The following CTNNA2 variants were observed in gnomAD, a reference collection of about 807,000 sequenced individuals.
The protein encoded by CTNNA2 is catenin alpha 2, also known as catenin alpha-2.
A neutral mutation model predicts 101.0 loss-of-function variants in CTNNA2; 42 were observed. The observed-to-expected ratio is 0.42, with a 90% CI of 0.32 to 0.54. CTNNA2 has a LOEUF of 0.54. CTNNA2 is among the 20% of genes least tolerant of loss of function. The pLI, the probability that CTNNA2 is intolerant of heterozygous loss-of-function variation, is 0.14. For missense variants in CTNNA2, 871 were observed against 1,223.1 expected (o/e 0.71, Z 4.29); for synonymous variants, 450 against 456.4 (o/e 0.99, Z 0.18).
intron 2 of CTNNA2, among the ~76,000 whole-genome samples, chr2:79,728,144 A>G (rs1156427667): frequency 6.6e-6 from 1 of 152,136 alleles, no homozygotes; most frequent in Non-Finnish European, 1.5e-5. Flanking sequence ...ATCCCTGAGG[A>G]ATCACCACAC....
chr2:79,257,712 G>C (rs1024409573), intron 2 of CTNNA2, among the ~76,000 whole-genome samples: 17 of 151,560 alleles, frequency 1.1e-4, no homozygotes, highest in Non-Finnish European at 2.1e-4. Context: ...AATATGAAGG[G>C]ACTCAAATTG....
intron 9 of CTNNA2, among the ~76,000 whole-genome samples, chr2:80,436,205 A>G (rs1336693782): frequency 6.6e-6 from 1 of 152,158 alleles, no homozygotes. Flanking sequence ...GTGTTCAAGT[A>G]TATCAAGGGA....
chr2:79,577,837 A>G lies in CTNNA2; in HGVS notation c.-6+64630A>G, dbSNP rs375338207. 2.2e-4 allele frequency among the ~76,000 whole-genome samples: 33 copies of G among 152,260 alleles called. No individual in the cohort carries two copies. The East Asian group carries it at 2.3e-3, about 11-fold the overall frequency. ...ACATTTACTGTTCTAAAAATGAGAA[A>G]ATCTGAGTCTAATTCATTCCCTATG... On this transcript the variant is annotated intron_variant, in intron 1 of 18. Transcript: ENST00000402739.
intron 2 of CTNNA2, among the ~76,000 whole-genome samples, chr2:79,270,137 T>C (rs1019512573): frequency 6.6e-6 from 1 of 152,126 alleles, no homozygotes; most frequent in African/African-American, 2.4e-5. Context: ...CCAGGAAATC[T>C]TGGGGATTCA....
chr2:79,750,252 A>G (rs754906281), intron 3 of CTNNA2, among the ~76,000 whole-genome samples: 1 of 152,186 alleles, frequency 6.6e-6, no homozygotes, highest in Admixed American at 6.5e-5. Flanking sequence ...TTGACTATGC[A>G]CTAATTGAGG....
chr2:80,159,383 G>C (rs1315813405), intron 7 of CTNNA2, among the ~76,000 whole-genome samples: 2 of 152,100 alleles, frequency 1.3e-5, no homozygotes, highest in Non-Finnish European at 2.9e-5. Flanking sequence ...AAGTCATCCT[G>C]TTTCTCTGAA....
At chr2:79,551,838 A>T (rs371695604) in intron 1 of CTNNA2, among the ~76,000 whole-genome samples, 3 of 152,044 alleles carry the variant, frequency 2.0e-5, no homozygotes, top group African/African-American at 7.2e-5. Context: ...TCTTGTGAGA[A>T]CTCACTATCA....
chr2:79,289,268 G>T (rs982713972), intron 2 of CTNNA2, among the ~76,000 whole-genome samples: 5 of 151,992 alleles, frequency 3.3e-5, no homozygotes, highest in African/African-American at 4.8e-5. Context: ...AAGGATGTTA[G>T]TTTTTTTTCT....
At position 80,557,146 on chromosome 2, in the gene CTNNA2, C is replaced by T. The variant is rs149020772; in HGVS notation, c.1741+1253C>T. ...TGGTATCATGTTATAAAGAGCACAT[C>T]TAGAGACTGTTGCCCTTGGAACATC... On this transcript the variant is annotated intron_variant, in intron 12 of 18. Transcript: ENST00000402739. Among the ~76,000 whole-genome samples, 83 of 152,296 alleles carry T rather than the reference C, an allele frequency of 5.4e-4. No homozygotes were observed. In the East Asian group the frequency reaches 0.014, roughly 26 times the overall value.
intron 9 of CTNNA2, among the ~76,000 whole-genome samples, chr2:80,463,700 C>T (rs1388155651): frequency 6.6e-6 from 1 of 152,048 alleles, no homozygotes; most frequent in African/African-American, 2.4e-5. Context: ...CATTAATAGT[C>T]CTGTGAAGTA....
At chr2:80,421,204 A>G (rs1573999438) in intron 9 of CTNNA2, among the ~76,000 whole-genome samples, 3 of 152,292 alleles carry the variant, frequency 2.0e-5, no homozygotes, top group Non-Finnish European at 2.9e-5. Flanking sequence ...AAATATTCAC[A>G]TGTAATAAAA....
At chr2:80,210,046 T>C (rs1255616780) in intron 7 of CTNNA2, among the ~76,000 whole-genome samples, 1 of 152,174 alleles carries the variant, frequency 6.6e-6, no homozygotes, top group Admixed American at 6.5e-5. Context: ...AATACAATTT[T>C]TTCGATAGGA....
At chr2:80,646,129 A>G (rs369393597) in intron 18 of CTNNA2, among the ~76,000 whole-genome samples, 1 of 152,150 alleles carries the variant, frequency 6.6e-6, no homozygotes, top group East Asian at 1.9e-4. Context: ...ATACGAAGCT[A>G]AAGTGAATGC....
intron 7 of CTNNA2, among the ~76,000 whole-genome samples, chr2:80,374,311 T>G (rs1675719333): frequency 6.6e-6 from 1 of 152,152 alleles, no homozygotes; most frequent in East Asian, 1.9e-4. Context: ...AAACATGTGG[T>G]TTTTGGTATC....
At chr2:80,448,606 T>G (rs1315376601) in intron 9 of CTNNA2, among the ~76,000 whole-genome samples, 1 of 152,200 alleles carries the variant, frequency 6.6e-6, no homozygotes, top group Non-Finnish European at 1.5e-5. Context: ...GTGATACTAA[T>G]GTACAGCCAG....
intron 3 of CTNNA2, among the ~76,000 whole-genome samples, chr2:79,754,336 C>T (rs532504794): frequency 6.6e-6 from 1 of 152,270 alleles, no homozygotes; most frequent in South Asian, 2.1e-4. Context: ...CTCCCTGCTT[C>T]TCACCCTCTT....
intron 7 of CTNNA2, among the ~76,000 whole-genome samples, chr2:80,284,466 A>C (rs1428540038): frequency 1.3e-5 from 2 of 152,072 alleles, no homozygotes; most frequent in Non-Finnish European, 2.9e-5. Context: ...TTCTCTCTCC[A>C]TCCTGATACA....
chr2:79,696,598 A>G (rs922198582), intron 2 of CTNNA2, among the ~76,000 whole-genome samples: 2 of 151,872 alleles, frequency 1.3e-5, no homozygotes, highest in African/African-American at 4.8e-5. Context: ...ACTAATTTTA[A>G]TCCCTCAAAG....
rs1277154624 is a variant in CTNNA2, at chr2:79,769,001, C to T, written c.298+24419C>T. ...TCCTGAGTAGCTGGGACTATAGGTG[C>T]CCGCCACCACGCCTGGCTAATTTTT... On this transcript the variant is annotated intron_variant, in intron 3 of 18. Transcript: ENST00000402739. 3.3e-5 allele frequency among the ~76,000 whole-genome samples: 5 copies of T among 152,170 alleles called. No homozygotes were observed. The East Asian group carries it at 7.8e-4, about 24-fold the overall frequency.
Sources: gnomAD v4.1 joint callset for allele counts (sites outside exome capture counted in the v4.1 genomes callset) on GRCh38, gnomAD v4.1.1 for gene constraint, MANE v1.5 for transcripts, NCBI Gene and HGNC (gene_info 2026-07-23, HGNC 2026-07-21) for gene names.